The following MYH15 variants were observed in gnomAD, a reference collection of about 807,000 sequenced individuals.
MYH15 encodes myosin heavy chain 15.
MYH15 carries 227 observed loss-of-function variants against 240.5 expected under a neutral mutation model. That is an observed-to-expected ratio of 0.94 (90% CI 0.85 to 1.05). MYH15 has a LOEUF of 1.05. MYH15 is among the 50% of genes least tolerant of loss of function. MYH15 has a pLI of 0.00. For missense variants in MYH15, 2,217 were observed against 2,247.5 expected (o/e 0.99, Z 0.27); for synonymous variants, 785 against 796.7 (o/e 0.99, Z 0.25).
chr3:108,411,127 G>A (rs2082589754), intron 30 of MYH15, among the ~76,000 whole-genome samples, 195 bp from the exon 31 acceptor site: 1 of 152,210 alleles, frequency 6.6e-6, no homozygotes, highest in Non-Finnish European at 1.5e-5. Flanking sequence ...TCTGCCTCCT[G>A]TGTGCATGGG....
the MYH15 span, among the ~76,000 whole-genome samples, chr3:108,542,509 C>T: frequency 6.6e-6 from 1 of 152,150 alleles, no homozygotes; most frequent in East Asian, 1.9e-4. Context: ...TAGCAATATG[C>T]ATTTAAATTT....
chr3:108,429,490 A>G (rs1386491379), intron 26 of MYH15, among the ~76,000 whole-genome samples: 1 of 152,204 alleles, frequency 6.6e-6, no homozygotes, highest in Non-Finnish European at 1.5e-5. Flanking sequence ...GAGTAGAGAT[A>G]CAGTATCATC....
the MYH15 span, among the ~76,000 whole-genome samples, chr3:108,546,812 T>C: frequency 5.3e-3 from 807 of 152,272 alleles, 2 homozygotes; most frequent in Non-Finnish European, 7.6e-3. Flanking sequence ...TTTTGAAATA[T>C]TTAAATGAAC....
At chr3:108,470,243 G>C (rs1159430480) in intron 13 of MYH15, 31 bp from the exon 14 acceptor site, 27 of 1,481,930 alleles carry the variant, frequency 1.8e-5, no homozygotes, top group Non-Finnish European at 2.4e-5. Context: ...AAGAAGAAGA[G>C]ATAAAAATAA....
chr3:108,529,134 T>C (rs2083695143), intron 1 of MYH15: 1 of 779,242 alleles, frequency 1.3e-6, no homozygotes, highest in Admixed American at 3.2e-5. Flanking sequence ...ATAGCCTATT[T>C]TTATACTATC....
upstream of MYH15, among the ~76,000 whole-genome samples, chr3:108,530,092 C>T (rs1327211964): frequency 2.6e-5 from 4 of 152,176 alleles, no homozygotes; most frequent in Admixed American, 2.6e-4. Context: ...AAACTTCATA[C>T]TTCATGGGGA....
chr3:108,386,827 T>C (rs1481569010), intron 38 of MYH15, among the ~76,000 whole-genome samples: 1 of 152,064 alleles, frequency 6.6e-6, no homozygotes, highest in Non-Finnish European at 1.5e-5. Flanking sequence ...CTTGACTAGA[T>C]GTGTAAAGAT....
At chr3:108,399,719 G>A (rs966288894) in intron 33 of MYH15, among the ~76,000 whole-genome samples, 1 of 152,152 alleles carries the variant, frequency 6.6e-6, no homozygotes, top group African/African-American at 2.4e-5. Flanking sequence ...CACTCAGGTT[G>A]GAACAATTCT....
rs768901008 is a variant in MYH15, at chr3:108,459,434, A to G, written c.1948T>C (p.Leu650=). The G allele has an allele frequency of 1.9e-6, 3 of 1,604,012 alleles. No homozygotes were observed. The highest frequency in any genetic ancestry group is 2.6e-6 in the Non-Finnish European group (3 of 1,176,256). ...GCTGTTGATTTCAGATTAGTCATCA[A>G]TTTATTCAGGTTTTCCTAAAATGGA... ...ASLHKENLNK[L]MTNLKSTAPH... Residue 650 remains leucine (L), a synonymous_variant, in exon 18 of 41, where the codon TTG becomes CTG. Transcript: ENST00000693548.
At position 108,410,564 on chromosome 3, in the gene MYH15, T is replaced by G; in HGVS notation, c.4495+19A>C. ...GAGCTACCCGCTCTGGCTTTGGCTC[T>G]GAGCCCAGCTCGGTGTACCTTGGAG... On this transcript the variant is annotated intron_variant, in intron 31 of 40. Transcript: ENST00000693548. 53 of 1,536,324 alleles carry G rather than the reference T, an allele frequency of 3.4e-5. No homozygotes were observed. Among genetic ancestry groups the G allele is most frequent in the Non-Finnish European group, 4.1e-5 (46 of 1,132,838 alleles).
At chr3:108,528,119 G>A (rs1476001804) in intron 1 of MYH15, among the ~76,000 whole-genome samples, 1 of 152,022 alleles carries the variant, frequency 6.6e-6, no homozygotes, top group Non-Finnish European at 1.5e-5. Flanking sequence ...CTGTAACAAT[G>A]GCAATTAAAT....
At chr3:108,483,702 T>C (rs191069551) in intron 11 of MYH15, among the ~76,000 whole-genome samples, 1 of 152,312 alleles carries the variant, frequency 6.6e-6, no homozygotes, top group East Asian at 1.9e-4. Context: ...CAAGTGTCCA[T>C]AGACTGATGA....
chr3:108,475,534 CT>C (rs1399221759), intron 12 of MYH15, among the ~76,000 whole-genome samples: 3 of 152,168 alleles, frequency 2.0e-5, no homozygotes, highest in African/African-American at 7.2e-5. Context: ...GGTGGTTGTA[CT>C]TTCTCTGCAA....
At chr3:108,515,199 C>T (rs1364977931), upstream of MYH15, among the ~76,000 whole-genome samples, 1 of 152,074 alleles carries the variant, frequency 6.6e-6, no homozygotes. Flanking sequence ...TCAGGGTATC[C>T]CCCTGGAATA....
chr3:108,439,710 T>C (rs1242502528), intron 24 of MYH15, 27 bp downstream of exon 24: 3 of 1,520,808 alleles, frequency 2.0e-6, no homozygotes, highest in African/African-American at 2.8e-5. Context: ...GACAGATAGA[T>C]AACTAACCAG....
chr3:108,402,384 TTACTA>T (rs1160995825), intron 33 of MYH15, among the ~76,000 whole-genome samples: 19 of 152,178 alleles, frequency 1.2e-4, no homozygotes, highest in African/African-American at 4.3e-4. Context: ...AGAAGGAACA[TTACTA>T]TATACCTGGG....
At chr3:108,436,377 C>T (rs2107565426) in intron 25 of MYH15, among the ~76,000 whole-genome samples, 1 of 152,228 alleles carries the variant, frequency 6.6e-6, no homozygotes, top group Non-Finnish European at 1.5e-5. Flanking sequence ...TTCTAAACAC[C>T]TATTAAGCCC....
At chr3:108,535,070 A>G in the MYH15 span, among the ~76,000 whole-genome samples, 1 of 152,158 alleles carries the variant, frequency 6.6e-6, no homozygotes, top group Non-Finnish European at 1.5e-5. Context: ...GTGGAAGACA[A>G]TGCAGCATTG....
chr3:108,498,436 A>T (rs1310821819), intron 5 of MYH15, among the ~76,000 whole-genome samples: 1 of 152,122 alleles, frequency 6.6e-6, no homozygotes, highest in African/African-American at 2.4e-5. Context: ...GCAGGAAAGC[A>T]CCTCTTCTAA....
Sources: allele counts gnomAD v4.1 joint callset (sites outside exome capture counted in the v4.1 genomes callset), GRCh38; gene constraint gnomAD v4.1.1; transcripts MANE v1.5; gene names NCBI Gene and HGNC (gene_info 2026-07-23, HGNC 2026-07-21).